Variants in AKAP13 observed in about 807,000 individuals in gnomAD.
The protein encoded by AKAP13 is A-kinase anchor protein 13.
Under a neutral mutation model 264.5 loss-of-function variants are expected in AKAP13, and 80 were observed. The ratio of observed to expected loss-of-function variants is 0.30; its 90% CI spans 0.25 to 0.36. The LOEUF (loss-of-function observed/expected upper bound fraction) is 0.36, where lower values mean the gene tolerates loss of function less well. Among genes scored for constraint, AKAP13 ranks in the 10% least tolerant of loss-of-function variants. The probability of loss-of-function intolerance (pLI) is 1.00; values close to 1 mark genes in which losing one functional copy is unlikely to be tolerated. For synonymous variants in AKAP13, 1,380 were observed against 1,250.2 expected (o/e 1.10, Z -2.19); for missense variants, 3,712 against 3,435.2 (o/e 1.08, Z -2.01).
intron 6 of AKAP13, among the ~76,000 whole-genome samples, chr15:85,577,306 T>C (rs1487736451): frequency 7.4e-6 from 1 of 135,828 alleles, no homozygotes; most frequent in African/African-American, 2.8e-5. Flanking sequence ...ATGCATATTA[T>C]TGCAGTAGAT....
intron 5 of AKAP13, among the ~76,000 whole-genome samples, chr15:85,568,780 A>G (rs1038772870): frequency 3.9e-5 from 6 of 152,240 alleles, no homozygotes; most frequent in East Asian, 3.8e-4. Flanking sequence ...TTCACTCTCA[A>G]TACAAAAAGA....
At chr15:85,565,315 ATCTT>A (rs1405351999) in intron 5 of AKAP13, among the ~76,000 whole-genome samples, 1 of 151,816 alleles carries the variant, frequency 6.6e-6, no homozygotes, top group East Asian at 1.9e-4. Context: ...TCATCTACAG[ATCTT>A]TCTTTCACTT....
chr15:85,617,255 T>G (rs201133615), intron 8 of AKAP13, among the ~76,000 whole-genome samples: 2 of 150,786 alleles, frequency 1.3e-5, no homozygotes, highest in African/African-American at 4.9e-5. Context: ...TTTTGTTTTT[T>G]GTTTTTTGAG....
At chr15:85,519,042 G>C (rs2076711908) in intron 2 of AKAP13, among the ~76,000 whole-genome samples, 1 of 152,048 alleles carries the variant, frequency 6.6e-6, no homozygotes, top group African/African-American at 2.4e-5. Flanking sequence ...CAAAATTCTT[G>C]ATCTGGAAAA....
Position 85,708,983 on chromosome 15 carries a change from G to A in AKAP13, c.5532+897G>A, listed in dbSNP as rs1324470830. ...AGTTCCCAGATGATGCTGATAGTCC[G>A]AGGACCTTACTTTGAGAAGCACTAA... On this transcript the variant is annotated intron_variant, in intron 18 of 36. Coordinates refer to ENST00000394518, the MANE Select transcript of AKAP13 (RefSeq NM_007200.5). This position sits in a 1 kb window ranked among gnomAD's most constrained non-coding sequence, Gnocchi z 4.3. Among the ~76,000 whole-genome samples, 2 of 152,288 alleles carry A rather than the reference G, an allele frequency of 1.3e-5. No homozygotes were observed. The highest frequency in any genetic ancestry group is 2.1e-4 in the South Asian group (1 of 4,822).
At chr15:85,463,487 T>A (rs2074603285) in intron 1 of AKAP13, among the ~76,000 whole-genome samples, 1 of 152,196 alleles carries the variant, frequency 6.6e-6, no homozygotes, top group South Asian at 2.1e-4. Flanking sequence ...TGTTATGAGA[T>A]CACTAGATTA....
In AKAP13 at chr15:85,399,535, AAAAT is replaced by A. The variant is rs1315010301; in HGVS notation, c.-12+18757_-12+18760del. Among the ~76,000 whole-genome samples, 1,030 of 105,544 alleles carry A rather than the reference AAAAT, an allele frequency of 9.8e-3. 42 individuals are homozygous for A. The highest frequency in any genetic ancestry group is 0.015 in the Non-Finnish European group (840 of 54,604). 69.2% of individuals were successfully genotyped at this position (105,544 alleles called of 152,430 possible). ...AAAAAAAAAAAAATAAAAAAATAAA[AAAAT>A]AAATAAATAAATAAATAAAGTTTTA... On this transcript the variant is annotated intron_variant, in intron 1 of 36. Coordinates refer to ENST00000394518, the MANE Select transcript of AKAP13 (RefSeq NM_007200.5).
chr15:85,654,606 C>T (rs930560660), intron 10 of AKAP13, among the ~76,000 whole-genome samples: 8 of 151,960 alleles, frequency 5.3e-5, no homozygotes, highest in African/African-American at 9.7e-5. Flanking sequence ...GCAAGAGGAT[C>T]CCAGGAGTTG....
intron 1 of AKAP13, among the ~76,000 whole-genome samples, chr15:85,475,649 T>A (rs781553882): frequency 2.0e-5 from 3 of 152,214 alleles, no homozygotes; most frequent in Non-Finnish European, 4.4e-5. Context: ...TCTGGCAGAT[T>A]AAGCAAATTG....
At chr15:85,585,031 T>G (rs1445161832) in intron 7 of AKAP13, among the ~76,000 whole-genome samples, 3 of 152,242 alleles carry the variant, frequency 2.0e-5, no homozygotes, top group Non-Finnish European at 2.9e-5. Flanking sequence ...CTGTTTTTGG[T>G]CTGTCAACAT....
intron 4 of AKAP13, among the ~76,000 whole-genome samples, chr15:85,541,183 A>G (rs2077570587): frequency 6.6e-6 from 1 of 152,236 alleles, no homozygotes; most frequent in Non-Finnish European, 1.5e-5. Context: ...CATTGTATAT[A>G]AATCACCTAA....
intron 1 of AKAP13, among the ~76,000 whole-genome samples, chr15:85,442,518 AT>A (rs2073732427): frequency 2.7e-5 from 3 of 110,360 alleles, no homozygotes; most frequent in African/African-American, 1.0e-4. Flanking sequence ...TATAATATAT[AT>A]TATATTATAT....
At chr15:85,421,659 T>A (rs185082393) in intron 1 of AKAP13, among the ~76,000 whole-genome samples, 1 of 152,372 alleles carries the variant, frequency 6.6e-6, no homozygotes, top group East Asian at 1.9e-4. Context: ...TTCACTCTTG[T>A]CCAGATTTTC....
intron 26 of AKAP13, among the ~76,000 whole-genome samples, chr15:85,723,732 C>T (rs2087438691): frequency 6.6e-6 from 1 of 152,136 alleles, no homozygotes; most frequent in Non-Finnish European, 1.5e-5. Context: ...TCTGTGAGTT[C>T]AAAACACATC....
intron 5 of AKAP13, among the ~76,000 whole-genome samples, chr15:85,572,252 C>T (rs1311950189): frequency 6.6e-6 from 1 of 152,074 alleles, no homozygotes; most frequent in East Asian, 1.9e-4. Context: ...TTTCAGAGAT[C>T]TTTTTTGTTG....
intron 1 of AKAP13, among the ~76,000 whole-genome samples, chr15:85,409,822 G>A (rs1486224064): frequency 6.6e-6 from 1 of 151,056 alleles, no homozygotes; most frequent in African/African-American, 2.5e-5. Flanking sequence ...TAGTAGAGAC[G>A]GGGTTTCACC....
intron 8 of AKAP13, among the ~76,000 whole-genome samples, chr15:85,601,961 A>G (rs561750236): frequency 1.1e-4 from 16 of 152,198 alleles, no homozygotes; most frequent in African/African-American, 3.6e-4. Context: ...TTAATATAAA[A>G]TATTTGGATT....
chr15:85,731,427 C>CT (rs1030726393), intron 30 of AKAP13, among the ~76,000 whole-genome samples: 78 of 151,760 alleles, frequency 5.1e-4, no homozygotes, highest in African/African-American at 9.4e-4. Context: ...CCCCCACCAT[C>CT]TTTTTTTTTC....
chr15:85,738,177 C>T (rs184218521), intron 33 of AKAP13, among the ~76,000 whole-genome samples: 1 of 151,956 alleles, frequency 6.6e-6, no homozygotes, highest in Admixed American at 6.5e-5. Context: ...GTGGGTGGAT[C>T]ACTTGAGGTC....
Sources: gnomAD v4.1 joint callset for allele counts (sites outside exome capture counted in the v4.1 genomes callset) on GRCh38, gnomAD v4.1.1 for gene constraint, Gnocchi (gnomAD v3.1) non-coding constraint, MANE v1.5 for transcripts, NCBI Gene and HGNC (gene_info 2026-07-23, HGNC 2026-07-21) for gene names.